Variants in PJA2 observed in about 807,000 individuals in gnomAD.
The protein encoded by PJA2 is praja ring finger ubiquitin ligase 2, also known as E3 ubiquitin-protein ligase Praja-2.
A neutral mutation model predicts 69.3 loss-of-function variants in PJA2; 25 were observed. The ratio of observed to expected loss-of-function variants is 0.36; its 90% CI spans 0.26 to 0.50. The LOEUF is 0.50. Among genes scored for constraint, PJA2 ranks in the 20% least tolerant of loss-of-function variants. The pLI, the probability that PJA2 is intolerant of heterozygous loss-of-function variation, is 0.96. For synonymous variants in PJA2, 308 were observed against 277.8 expected, an observed-to-expected ratio of 1.11 and a Z score of -1.08; for missense variants, 809 against 830.2, an observed-to-expected ratio of 0.97 and a Z score of 0.31.
chr5:109,397,850 G>C (rs749132255), intron 1 of PJA2, among the ~76,000 whole-genome samples: 29 of 152,070 alleles, frequency 1.9e-4, no homozygotes, highest in Non-Finnish European at 3.8e-4. Context: ...CACTAGGGAA[G>C]GGCAGCAATC....
intron 1 of PJA2, among the ~76,000 whole-genome samples, chr5:109,389,035 C>A (rs990213603): frequency 2.6e-5 from 4 of 152,168 alleles, no homozygotes; most frequent in African/African-American, 9.6e-5. Flanking sequence ...CCATGTTGGT[C>A]ACAATACATT....
chr5:109,381,752 T>C, intron 2 of PJA2, 49 bp from the exon 3 acceptor site: 1 of 1,523,660 alleles, frequency 6.6e-7, no homozygotes, highest in Non-Finnish European at 9.0e-7. Flanking sequence ...TGAGCTTTAT[T>C]CTTGCAACCT....
chr5:109,360,430 A>G (rs950369535), intron 6 of PJA2, among the ~76,000 whole-genome samples: 2 of 152,184 alleles, frequency 1.3e-5, no homozygotes, highest in African/African-American at 4.8e-5. Context: ...AAGGAACCAA[A>G]AGGCTTCACT....
chr5:109,371,144 C>A (rs1762669135), intron 4 of PJA2, among the ~76,000 whole-genome samples: 1 of 152,222 alleles, frequency 6.6e-6, no homozygotes, highest in East Asian at 1.9e-4. Flanking sequence ...TTACCATCAG[C>A]TCCTTTAAGA....
chr5:109,359,829 G>A (rs1762480299), intron 6 of PJA2, among the ~76,000 whole-genome samples: 1 of 152,102 alleles, frequency 6.6e-6, no homozygotes, highest in African/African-American at 2.4e-5. Context: ...TATTGTATCA[G>A]CATTAATTTG....
chr5:109,364,775 T>TA (rs11333923), intron 5 of PJA2, among the ~76,000 whole-genome samples: 14 of 150,500 alleles, frequency 9.3e-5, no homozygotes, highest in South Asian at 4.2e-4. Flanking sequence ...GCTTAAAATG[T>TA]AAAAAAAAAA....
chr5:109,353,499 A>G lies in PJA2; in HGVS notation c.1764+2416T>C, dbSNP rs556645737. Among the ~76,000 whole-genome samples the G allele has an allele frequency of 7.7e-4, 69 of 90,124 alleles. 1 individual carries two copies. The highest frequency in any genetic ancestry group is 1.0e-3 in the Non-Finnish European group (35 of 34,718). 59.1% of individuals were successfully genotyped at this position (90,124 alleles called of 152,430 possible). A position where few individuals can be genotyped will look rare whatever the true frequency, so the allele number is the denominator to read the frequency against. On this transcript the variant is annotated intron_variant, in intron 7 of 9. Coordinates refer to ENST00000361189, the MANE Select transcript of PJA2 (RefSeq NM_014819.5). The stretch of plus-strand genomic sequence containing the variant: ...GATATCTAATATATTAGATATCTAT[A>G]ATATCTATAGATATCTATATATTAG...
At chr5:109,343,872 G>A (rs998229643) in intron 9 of PJA2, among the ~76,000 whole-genome samples, 2 of 151,922 alleles carry the variant, frequency 1.3e-5, no homozygotes, top group African/African-American at 4.8e-5. Context: ...GAGGCAGGCG[G>A]ATCACCTGAG....
chr5:109,335,770 T>C lies in PJA2; in HGVS notation c.*1461A>G, dbSNP rs1200606151. ...GGAAAACATGCTAGCTAATGCAACA[T>C]TAAGGCCTGAATGTAAGCATTTCCC... On this transcript the variant is annotated 3_prime_UTR_variant, in exon 10 of 10. Coordinates refer to ENST00000361189, the MANE Select transcript of PJA2 (RefSeq NM_014819.5). The C allele has an allele frequency of 6.6e-6, 1 of 152,528 alleles. No homozygotes were observed. The highest frequency in any genetic ancestry group is 2.4e-5 in the African/African-American group (1 of 41,400). 9.4% of individuals were successfully genotyped at this position (152,528 alleles called of 1,614,324 possible). A position where few individuals can be genotyped will look rare whatever the true frequency, so the allele number is the denominator to read the frequency against.
chr5:109,388,748 T>C (rs893979742), intron 1 of PJA2, among the ~76,000 whole-genome samples: 25 of 152,208 alleles, frequency 1.6e-4, no homozygotes, highest in African/African-American at 5.3e-4. Context: ...CCAAGTCCAT[T>C]AGAATATTTT....
chr5:109,364,546 C>G (rs1286363576), intron 5 of PJA2, among the ~76,000 whole-genome samples: 1 of 148,786 alleles, frequency 6.7e-6, no homozygotes, highest in Non-Finnish European at 1.5e-5. Flanking sequence ...TGGCGTGAAC[C>G]CGGGAGGCGG....
chr5:109,342,512 G>T (rs1279851781), intron 9 of PJA2, among the ~76,000 whole-genome samples: 1 of 119,988 alleles, frequency 8.3e-6, no homozygotes, highest in Non-Finnish European at 1.7e-5. Context: ...CACCCCGTCC[G>T]GGAGGGAGGT....
intron 4 of PJA2, 114 bp downstream of exon 4, chr5:109,378,090 G>A: frequency 1.4e-6 from 1 of 721,138 alleles, no homozygotes; most frequent in South Asian, 2.1e-5. Context: ...TATTTGGTAA[G>A]TCAAAATGTC....
chr5:109,365,516 G>A (rs757872321), intron 5 of PJA2, among the ~76,000 whole-genome samples: 22 of 152,186 alleles, frequency 1.4e-4, no homozygotes, highest in Admixed American at 3.9e-4. Flanking sequence ...AAAGGAAGCT[G>A]GTTATAATGG....
chr5:109,405,073 A>T (rs1747651739), intron 1 of PJA2, among the ~76,000 whole-genome samples: 2 of 152,198 alleles, frequency 1.3e-5, no homozygotes. Context: ...AATTTACTCA[A>T]ATGAATGAAT....
At chr5:109,358,113 A>T (rs923004590) in intron 6 of PJA2, among the ~76,000 whole-genome samples, 6 of 152,216 alleles carry the variant, frequency 3.9e-5, no homozygotes, top group African/African-American at 1.4e-4. Context: ...AAATCTCTGC[A>T]GCACTATGAC....
chr5:109,366,421 A>G (rs1010245218), intron 5 of PJA2, among the ~76,000 whole-genome samples: 2 of 152,304 alleles, frequency 1.3e-5, no homozygotes, highest in East Asian at 3.9e-4. Context: ...CCAACATTCA[A>G]TATCTCTGCT....
At chr5:109,340,824 T>C (rs1411086081) in intron 9 of PJA2, among the ~76,000 whole-genome samples, 30 of 105,712 alleles carry the variant, frequency 2.8e-4, no homozygotes, top group African/African-American at 9.2e-4. Flanking sequence ...CTGGTTTTGG[T>C]GGAGATGGGG....
At chr5:109,339,391 C>T (rs1207177713) in intron 9 of PJA2, among the ~76,000 whole-genome samples, 2 of 152,190 alleles carry the variant, frequency 1.3e-5, no homozygotes, top group Admixed American at 1.3e-4. Context: ...TTGACCACTA[C>T]ATAACCTATG....
Sources: allele counts gnomAD v4.1 joint callset (sites outside exome capture counted in the v4.1 genomes callset), GRCh38; gene constraint gnomAD v4.1.1; transcripts MANE v1.5; gene names NCBI Gene and HGNC (gene_info 2026-07-23, HGNC 2026-07-21).